CDH8: variants seen among roughly 807,000 people sequenced by gnomAD.
CDH8 encodes the protein cadherin-8.
In CDH8, 17 loss-of-function variants were observed where a neutral mutation model predicts 68.1. The ratio of observed to expected loss-of-function variants is 0.25; its 90% CI spans 0.17 to 0.37. The LOEUF (loss-of-function observed/expected upper bound fraction) is 0.37, where lower values mean the gene tolerates loss of function less well. Among genes scored for constraint, CDH8 ranks in the 10% least tolerant of loss-of-function variants. The pLI, the probability that CDH8 is intolerant of heterozygous loss-of-function variation, is 1.00. For missense variants in CDH8, 763 were observed against 999.3 expected (o/e 0.76, Z 3.19); for synonymous variants, 372 against 365.1 (o/e 1.02, Z -0.21).
At chr16:61,927,415 T>A (rs2143445057) in intron 2 of CDH8, among the ~76,000 whole-genome samples, 1 of 152,234 alleles carries the variant, frequency 6.6e-6, no homozygotes, top group Non-Finnish European at 1.5e-5. Context: ...TTTTTAATGT[T>A]AAATCATAGA....
intron 2 of CDH8, among the ~76,000 whole-genome samples, chr16:61,950,594 A>G (rs1346048387): frequency 2.0e-5 from 3 of 152,178 alleles, no homozygotes; most frequent in Non-Finnish European, 2.9e-5. Context: ...TCCTTTGAAA[A>G]TAATTGAATA....
intron 3 of CDH8, among the ~76,000 whole-genome samples, chr16:61,886,252 G>A (rs1411489818): frequency 6.6e-6 from 1 of 152,014 alleles, no homozygotes; most frequent in Non-Finnish European, 1.5e-5. Context: ...CTTTCACAAG[G>A]CAGACACAAG....
Position 61,725,671 on chromosome 16 carries a change from T to C in CDH8, c.1536+1423A>G, listed in dbSNP as rs748730118. 4 of 150,778 alleles carry C rather than the reference T, an allele frequency of 2.7e-5. No homozygotes were observed. In the South Asian group the frequency reaches 8.3e-4, roughly 31 times the overall value. The allele number at this position is 150,778 out of a possible 1,614,324, so 9.3% of individuals were successfully genotyped here. ...ATTGATATGTGTATATATAAACATA[T>C]ACACACTCCCTTCTCAAAGGATCAC... On this transcript the variant is annotated intron_variant, in intron 9 of 11. Transcript: ENST00000577390.
intron 4 of CDH8, among the ~76,000 whole-genome samples, chr16:61,837,506 T>A (rs1236912486): frequency 6.6e-6 from 1 of 152,014 alleles, no homozygotes; most frequent in African/African-American, 2.4e-5. Flanking sequence ...ATCAAACAAC[T>A]ACTGCATATC....
rs966771075 is a variant in CDH8 at position 61,771,103 on chromosome 16, T to C, written c.1414+18243A>G. 2.0e-5 allele frequency among the ~76,000 whole-genome samples: 3 copies of C among 152,106 alleles called. No homozygotes were observed. The East Asian group carries it at 5.8e-4, about 29-fold the overall frequency. On this transcript the variant is annotated intron_variant, in intron 8 of 11. Transcript: ENST00000577390. ...CAGGGGCCATTTGTAGAATATATAA[T>C]TGCCTTTTAAAATCCATGTCTAACC...
chr16:61,666,986 T>A (rs2068820636), intron 10 of CDH8, among the ~76,000 whole-genome samples: 1 of 152,054 alleles, frequency 6.6e-6, no homozygotes, highest in Admixed American at 6.6e-5. Flanking sequence ...TTGGAAACAG[T>A]TGCAGTGTAA....
chr16:62,021,110 A>G, intron 2 of CDH8, 42 bp downstream of exon 2: 1 of 1,558,506 alleles, frequency 6.4e-7, no homozygotes, highest in Non-Finnish European at 8.8e-7. Context: ...TCTTAAGACC[A>G]CTAACAGACC....
intron 8 of CDH8, among the ~76,000 whole-genome samples, chr16:61,737,612 AT>A (rs1170946120): frequency 7.2e-5 from 11 of 152,182 alleles, no homozygotes; most frequent in African/African-American, 2.4e-4. Flanking sequence ...TTTCTAAATC[AT>A]TAGTGATGAT....
chr16:61,967,965 C>T (rs983254474), intron 2 of CDH8, among the ~76,000 whole-genome samples: 1 of 152,100 alleles, frequency 6.6e-6, no homozygotes, highest in Non-Finnish European at 1.5e-5. Context: ...CCCGCCACCA[C>T]GCCCAGCTAA....
intron 2 of CDH8, among the ~76,000 whole-genome samples, chr16:61,925,984 T>A (rs1964449961): frequency 6.6e-6 from 1 of 152,166 alleles, no homozygotes; most frequent in South Asian, 2.1e-4. Context: ...ACTGTTCAAA[T>A]TGCTTTACAT....
At chr16:61,855,107 G>A (rs1279703359) in intron 4 of CDH8, among the ~76,000 whole-genome samples, 1 of 152,004 alleles carries the variant, frequency 6.6e-6, no homozygotes, top group Non-Finnish European at 1.5e-5. Flanking sequence ...AATTCTTCAA[G>A]TATCATCTAT....
intron 10 of CDH8, among the ~76,000 whole-genome samples, chr16:61,665,781 TTCC>T (rs1410785703): frequency 1.7e-4 from 24 of 138,548 alleles, no homozygotes; most frequent in African/African-American, 5.7e-4. Context: ...CCTTCCTTCC[TTCC>T]TTCCTTCCTT....
chr16:61,857,060 A>T (rs1179699143), intron 4 of CDH8, 59 bp downstream of exon 4: 2 of 1,599,158 alleles, frequency 1.3e-6, no homozygotes, highest in African/African-American at 2.7e-5. Flanking sequence ...AAATCCCAAG[A>T]AAAGCATTTC....
At chr16:61,851,829 G>A (rs1391543867) in intron 4 of CDH8, among the ~76,000 whole-genome samples, 1 of 151,974 alleles carries the variant, frequency 6.6e-6, no homozygotes, top group Non-Finnish European at 1.5e-5. Context: ...GCCTGAACCT[G>A]CTTCCAAGTT....
chr16:61,866,187 G>A (rs1448507086), intron 3 of CDH8, among the ~76,000 whole-genome samples: 1 of 151,646 alleles, frequency 6.6e-6, no homozygotes, highest in Non-Finnish European at 1.5e-5. Context: ...TCATGCTACT[G>A]CACTCCAGCC....
At chr16:61,924,958 A>G (rs1361351712) in intron 2 of CDH8, among the ~76,000 whole-genome samples, 1 of 152,168 alleles carries the variant, frequency 6.6e-6, no homozygotes, top group Non-Finnish European at 1.5e-5. Flanking sequence ...GGTAATGTAA[A>G]TATCAACCAG....
chr16:61,893,415 AGTGTGTGTGTGT>A (rs139637026), intron 3 of CDH8, among the ~76,000 whole-genome samples: 1 of 145,740 alleles, frequency 6.9e-6, no homozygotes, highest in Non-Finnish European at 1.5e-5. Flanking sequence ...TGTGTGTGTG[AGTGTGTGTGTGT>A]GTGTGTGTGT....
intron 10 of CDH8, among the ~76,000 whole-genome samples, chr16:61,680,300 A>G (rs1963988691): frequency 6.6e-6 from 1 of 152,008 alleles, no homozygotes; most frequent in African/African-American, 2.4e-5. Context: ...TCCATTAAAT[A>G]AAGCCACATT....
Position 61,652,697 on chromosome 16 carries a change from TC to T in CDH8, c.*910del. On this transcript the variant is annotated 3_prime_UTR_variant, in exon 12 of 12. Coordinates refer to ENST00000577390, the MANE Select transcript of CDH8 (RefSeq NM_001796.5). ...ATATAATTTAGTTTTTTCCCATATATCCCCTTAATCTATAGATTACCGACCT... is the reference window on the plus strand; with the variant it reads ...ATATAATTTAGTTTTTTCCCATATATCCCTTAATCTATAGATTACCGACCT... The T allele has an allele frequency of 8.1e-7, 1 of 1,241,728 alleles. No individual in the cohort carries two copies. Among genetic ancestry groups the T allele is most frequent in the Non-Finnish European group, 1.0e-6 (1 of 986,200 alleles). 76.9% of individuals were successfully genotyped at this position (1,241,728 alleles called of 1,614,324 possible).
Sources: allele counts gnomAD v4.1 joint callset (sites outside exome capture counted in the v4.1 genomes callset), GRCh38; gene constraint gnomAD v4.1.1; transcripts MANE v1.5; gene names NCBI Gene and HGNC (gene_info 2026-07-23, HGNC 2026-07-21).